Variants in EIF4ENIF1 observed in about 807,000 individuals in gnomAD.
The protein encoded by EIF4ENIF1 is eukaryotic translation initiation factor 4E nuclear import factor 1.
A neutral mutation model predicts 110.5 loss-of-function variants in EIF4ENIF1; 23 were observed. The ratio of observed to expected loss-of-function variants is 0.21; its 90% CI spans 0.15 to 0.29. EIF4ENIF1 has a LOEUF of 0.29. Among genes scored for constraint, EIF4ENIF1 ranks in the 10% least tolerant of loss-of-function variants. The pLI is 1.00. For synonymous variants in EIF4ENIF1, 440 were observed against 437.0 expected (o/e 1.01, Z -0.09); for missense variants, 1,031 against 1,221.1 (o/e 0.84, Z 2.32).
At chr22:31,458,371 C>A (rs2050891486) in intron 7 of EIF4ENIF1, 104 bp downstream of exon 7, 1 of 1,041,528 alleles carries the variant, frequency 9.6e-7, no homozygotes, top group South Asian at 3.5e-5. Context: ...GAATAAAAGC[C>A]AAAAACCCCA....
intron 14 of EIF4ENIF1, among the ~76,000 whole-genome samples, chr22:31,446,290 A>AAAAAAAG (rs1459836417): frequency 6.6e-6 from 1 of 151,640 alleles, no homozygotes; most frequent in African/African-American, 2.4e-5. Flanking sequence ...GTCTCCAAAA[A>AAAAAAAG]AAAAAAAAAG....
chr22:31,461,477 T>TC (rs1000370481), intron 6 of EIF4ENIF1, among the ~76,000 whole-genome samples: 1 of 152,112 alleles, frequency 6.6e-6, no homozygotes, highest in African/African-American at 2.4e-5. Flanking sequence ...CTCAACTCTG[T>TC]CTCCCAGGCT....
intron 4 of EIF4ENIF1, among the ~76,000 whole-genome samples, chr22:31,466,874 A>G (rs2051207463): frequency 6.6e-6 from 1 of 152,164 alleles, no homozygotes; most frequent in Non-Finnish European, 1.5e-5. Context: ...AAAACCAGGA[A>G]ACTGAAGATT....
chr22:31,463,732 C>T lies in EIF4ENIF1; in HGVS notation c.534G>A (p.Arg178=). 2 of 1,613,930 alleles carry T rather than the reference C, an allele frequency of 1.2e-6. No individual in the cohort carries two copies. The highest frequency in any genetic ancestry group is 3.3e-5 in the Admixed American group (2 of 59,980). The change falls in exon 5 of 19, where the codon CGG becomes CGA. Residue 178 remains arginine, a synonymous_variant. Coordinates refer to ENST00000330125, the MANE Select transcript of EIF4ENIF1 (RefSeq NM_019843.4). ...KDHRLSDKDL[R]DLRDRDRERD... ...TCTCTCGGTCTCTGTCTCTCAAGTCCCGCAGGTCCTTATCGCTAAGACGGT... is the reference window on the plus strand; with the variant it reads ...TCTCTCGGTCTCTGTCTCTCAAGTCTCGCAGGTCCTTATCGCTAAGACGGT...
chr22:31,458,831 A>G (rs983752941), intron 6 of EIF4ENIF1, among the ~76,000 whole-genome samples, 181 bp from the exon 7 acceptor site: 2 of 152,200 alleles, frequency 1.3e-5, no homozygotes, highest in Non-Finnish European at 2.9e-5. Context: ...CAGAAAAGGA[A>G]AAAAGCCTTA....
intron 7 of EIF4ENIF1, 80 bp from the exon 8 acceptor site, chr22:31,456,067 T>G: frequency 6.9e-7 from 1 of 1,454,472 alleles, no homozygotes; most frequent in Admixed American, 2.0e-5. Context: ...AAGGGTCACT[T>G]ACTTTGAAAC....
In EIF4ENIF1 at chr22:31,449,350, A is replaced by G. The variant is rs2050577647; in HGVS notation, c.1766T>C (p.Ile589Thr). 2 of 1,613,092 alleles carry G rather than the reference A, an allele frequency of 1.2e-6. No individual in the cohort carries two copies. Among genetic ancestry groups the G allele is most frequent in the Non-Finnish European group, 8.5e-7 (1 of 1,179,676 alleles). ...DYLRPRIPSPIGFTPGPQQLL... is the reference protein window; with the variant it reads ...DYLRPRIPSPTGFTPGPQQLL... ...TTTTGACAAATAAGTATATTTACCA[A>G]TTGGTGATGGTATTCTTGGGCGAAG... The change falls in exon 12 of 19, where the codon ATT becomes ACT. Residue 589 changes from isoleucine (I) to threonine (T), a missense_variant and splice_region_variant. Physicochemically the swap from Ile to Thr is moderately conservative, Grantham distance 89 (BLOSUM62 -1). Coordinates refer to ENST00000330125, the MANE Select transcript of EIF4ENIF1 (RefSeq NM_019843.4).
At position 31,442,072 on chromosome 22, in the gene EIF4ENIF1, A is replaced by G. The variant is rs762949391; in HGVS notation, c.2253T>C (p.Ser751=). The change falls in exon 17 of 19, where the codon TCT becomes TCC. Residue 751 remains serine (S), a synonymous_variant. Transcript: ENST00000330125. ...SSSVPSADRD[S]SPTTNSKLSA... is the part of the protein sequence containing the mutation. ...ACAGTTTGGAATTTGTAGTGGGAGA[A>G]GAGTCTCGATCGGCACTGGGTACAG... is the stretch of plus-strand genomic sequence containing the variant. The G allele has an allele frequency of 6.2e-7, 1 of 1,614,164 alleles. No individual in the cohort carries two copies. The highest frequency in any genetic ancestry group is 1.1e-5 in the South Asian group (1 of 91,086).
chr22:31,446,714 C>A (rs907208049), intron 14 of EIF4ENIF1, among the ~76,000 whole-genome samples: 1 of 152,174 alleles, frequency 6.6e-6, no homozygotes, highest in Non-Finnish European at 1.5e-5. Context: ...GCACAGGGCA[C>A]ATGGAGGCCC....
intron 2 of EIF4ENIF1, among the ~76,000 whole-genome samples, chr22:31,477,294 G>GAGGTGGAA (rs934539311): frequency 1.4e-5 from 2 of 138,364 alleles, no homozygotes; most frequent in African/African-American, 5.4e-5. Flanking sequence ...TTGAATTCAG[G>GAGGTGGAA]AGGTGGAAGT....
intron 5 of EIF4ENIF1, 70 bp from the exon 6 acceptor site, chr22:31,463,203 G>T: frequency 6.9e-7 from 1 of 1,441,202 alleles, no homozygotes; most frequent in Non-Finnish European, 9.5e-7. Flanking sequence ...CAAGGTCTTC[G>T]TTGTAATGTT....
downstream of EIF4ENIF1, chr22:31,437,450 T>TCTCC (rs1555900377): frequency 5.6e-5 from 7 of 125,008 alleles, no homozygotes; most frequent in Non-Finnish European, 1.2e-4. Flanking sequence ...TTTGCCTTCA[T>TCTCC]CCCCCCCCCA....
At chr22:31,456,422 A>G (rs1366969029) in intron 7 of EIF4ENIF1, among the ~76,000 whole-genome samples, 2 of 151,580 alleles carry the variant, frequency 1.3e-5, no homozygotes, top group African/African-American at 4.9e-5. Flanking sequence ...ACGGGGTTTT[A>G]CCGTGTTAGC....
At chr22:31,480,858 A>C (rs1257901354) in intron 2 of EIF4ENIF1, among the ~76,000 whole-genome samples, 3 of 152,044 alleles carry the variant, frequency 2.0e-5, no homozygotes, top group African/African-American at 7.2e-5. Context: ...TGAGGTCAGG[A>C]GTTTGAGACC....
At chr22:31,464,068 G>A in intron 4 of EIF4ENIF1, 101 bp from the exon 5 acceptor site, 5 of 1,442,512 alleles carry the variant, frequency 3.5e-6, no homozygotes, top group Non-Finnish European at 4.6e-6. Context: ...GGGGATGGTT[G>A]GAAGAGAGTC....
chr22:31,472,325 G>A (rs2146037474), intron 2 of EIF4ENIF1, among the ~76,000 whole-genome samples: 1 of 150,058 alleles, frequency 6.7e-6, no homozygotes, highest in South Asian at 2.1e-4. Context: ...ATGAAGTGCA[G>A]TGGCACAATC....
At chr22:31,482,877 A>G (rs1232341488) in intron 2 of EIF4ENIF1, among the ~76,000 whole-genome samples, 2 of 150,736 alleles carry the variant, frequency 1.3e-5, no homozygotes, top group Non-Finnish European at 3.0e-5. Flanking sequence ...AAAAAAAATT[A>G]GCTGGGCATG....
chr22:31,472,626 T>C (rs757148306), intron 2 of EIF4ENIF1, among the ~76,000 whole-genome samples: 3 of 152,190 alleles, frequency 2.0e-5, no homozygotes, highest in Non-Finnish European at 4.4e-5. Context: ...AAAACATCCA[T>C]ATACTATGTA....
chr22:31,457,051 A>T (rs2145960482), intron 7 of EIF4ENIF1, among the ~76,000 whole-genome samples: 2 of 152,330 alleles, frequency 1.3e-5, no homozygotes, highest in Middle Eastern at 3.4e-3. Flanking sequence ...AACATTATGA[A>T]ATTCAATCTT....
Sources: gnomAD v4.1 joint callset for allele counts (sites outside exome capture counted in the v4.1 genomes callset) on GRCh38, gnomAD v4.1.1 for gene constraint, MANE v1.5 for transcripts, NCBI Gene and HGNC (gene_info 2026-07-23, HGNC 2026-07-21) for gene names.